RAPGEF1: variants seen among roughly 807,000 people sequenced by gnomAD.
The protein encoded by RAPGEF1 is CRK SH3-binding GNRP.
Under a neutral mutation model 143.3 loss-of-function variants are expected in RAPGEF1, and 33 were observed. That is an observed-to-expected ratio of 0.23 (90% confidence interval 0.17 to 0.31). The LOEUF is 0.31. Among genes scored for constraint, RAPGEF1 ranks in the 10% least tolerant of loss-of-function variants. The pLI is 1.00. For missense variants in RAPGEF1, 1,199 were observed against 1,645.4 expected, an observed-to-expected ratio of 0.73 and a Z score of 4.69; for synonymous variants, 629 against 676.5, an observed-to-expected ratio of 0.93 and a Z score of 1.09.
chr9:131,733,281 C>T (rs534049272), intron 1 of RAPGEF1, among the ~76,000 whole-genome samples: 5 of 148,688 alleles, frequency 3.4e-5, no homozygotes, highest in Admixed American at 2.1e-4. Context: ...CAAACCGCCA[C>T]GGCACATGTA....
At chr9:131,622,172 G>A (rs2132874889) in intron 10 of RAPGEF1, among the ~76,000 whole-genome samples, 174 bp from the exon 11 acceptor site, 1 of 152,270 alleles carries the variant, frequency 6.6e-6, no homozygotes, top group South Asian at 2.1e-4. Context: ...TCTGTCTGAT[G>A]CGCTAACGGA....
intron 5 of RAPGEF1, among the ~76,000 whole-genome samples, chr9:131,637,952 C>T (rs544126305): frequency 1.3e-5 from 2 of 152,336 alleles, no homozygotes; most frequent in East Asian, 1.9e-4. Flanking sequence ...CACACAACAG[C>T]GGGGTTTCCA....
At chr9:131,610,829 T>TG (rs373852278) in intron 12 of RAPGEF1, among the ~76,000 whole-genome samples, 64 of 152,310 alleles carry the variant, frequency 4.2e-4, no homozygotes, top group African/African-American at 1.4e-3. Context: ...CGTGATTGTC[T>TG]GGGGAGAAAA....
chr9:131,581,858 G>A (rs1447768247), intron 25 of RAPGEF1, among the ~76,000 whole-genome samples: 1 of 152,218 alleles, frequency 6.6e-6, no homozygotes. Flanking sequence ...GGGAAAGACT[G>A]TTAGTGCTCA....
intron 1 of RAPGEF1, among the ~76,000 whole-genome samples, chr9:131,660,297 T>C (rs776521618): frequency 5.9e-5 from 9 of 152,234 alleles, no homozygotes; most frequent in African/African-American, 1.7e-4. Context: ...TGGATAACTA[T>C]GACACTGCTA....
chr9:131,620,235 G>T (rs1960432066), intron 11 of RAPGEF1, among the ~76,000 whole-genome samples: 2 of 151,576 alleles, frequency 1.3e-5, no homozygotes, highest in South Asian at 4.2e-4. Flanking sequence ...GATGGCAAAT[G>T]GGCCGAAAAT....
At chr9:131,599,420 CTT>C (rs71374115) in intron 15 of RAPGEF1, among the ~76,000 whole-genome samples, 8,955 of 131,384 alleles carry the variant, frequency 0.068, 491 homozygotes, top group African/African-American at 0.16. Context: ...CGTGCCCAGT[CTT>C]TTTTTTTTTT....
chr9:131,658,950 C>T (rs117769459), intron 1 of RAPGEF1, among the ~76,000 whole-genome samples: 2,361 of 152,268 alleles, frequency 0.016, 26 homozygotes, highest in Non-Finnish European at 0.025. Flanking sequence ...AATCTCTCAC[C>T]AGGGATGGTG....
rs150279232 is a variant in RAPGEF1 at position 131,667,228 on chromosome 9, G to C, written c.62-16279C>G. Among the ~76,000 whole-genome samples, 27 of 152,312 alleles carry C rather than the reference G, an allele frequency of 1.8e-4. No individual in the cohort carries two copies. In the East Asian group the frequency reaches 5.0e-3, roughly 28 times the overall value. ...TGGTATCAAACTCCTGACCTCCAGT[G>C]ATCTGCCTGCCTCGGCCTCCCCAAA... On this transcript the variant is annotated intron_variant, in intron 1 of 26. Coordinates refer to ENST00000683357, the MANE Select transcript of RAPGEF1 (RefSeq NM_001377935.1). The surrounding 1 kb of genome is among the most constrained non-coding windows in gnomAD (Gnocchi z 4.6).
chr9:131,706,717 G>A (rs1033383264), intron 1 of RAPGEF1, among the ~76,000 whole-genome samples: 18 of 152,162 alleles, frequency 1.2e-4, no homozygotes, highest in Admixed American at 9.8e-4. Flanking sequence ...GACACCATGC[G>A]CTATGAAAAA....
chr9:131,637,816 A>G (rs531065112), intron 5 of RAPGEF1, among the ~76,000 whole-genome samples: 4 of 152,358 alleles, frequency 2.6e-5, no homozygotes, highest in African/African-American at 9.6e-5. Flanking sequence ...ATTTCATAAA[A>G]GAGTTACTTA....
intron 5 of RAPGEF1, among the ~76,000 whole-genome samples, chr9:131,632,533 G>A (rs1479247136): frequency 2.0e-5 from 3 of 152,066 alleles, no homozygotes; most frequent in South Asian, 2.1e-4. Context: ...ATAAGATTAC[G>A]TATCATTAAT....
Position 131,626,451 on chromosome 9 carries a change from C to T in RAPGEF1, c.1202-29G>A, listed in dbSNP as rs773844066. 2.1e-5 allele frequency: 32 copies of T among 1,531,364 alleles called. No individual in the cohort carries two copies. The South Asian group carries it at 2.8e-4, about 13-fold the overall frequency. 94.9% of individuals were successfully genotyped at this position (1,531,364 alleles called of 1,614,324 possible). On this transcript the variant is annotated intron_variant, in intron 9 of 26. Coordinates refer to ENST00000683357, the MANE Select transcript of RAPGEF1 (RefSeq NM_001377935.1). ...CAGTTACAACAGGGGAAAAAGAGAC[C>T]CGTTAGCCACAGGCCCTGCAGGAGC...
chr9:131,635,206 G>A (rs1966042468), intron 5 of RAPGEF1, among the ~76,000 whole-genome samples: 1 of 152,202 alleles, frequency 6.6e-6, no homozygotes, highest in South Asian at 2.1e-4. Flanking sequence ...GTTCTTACCA[G>A]GTACTTTATA....
chr9:131,588,137 G>A (rs1953504370), intron 20 of RAPGEF1, 111 bp from the exon 21 acceptor site: 5 of 925,748 alleles, frequency 5.4e-6, no homozygotes, highest in South Asian at 4.3e-5. Flanking sequence ...TGCCCAGCAG[G>A]AGCGTGGAGG....
intron 12 of RAPGEF1, among the ~76,000 whole-genome samples, chr9:131,617,792 C>A (rs1312420975): frequency 1.3e-5 from 2 of 152,144 alleles, no homozygotes; most frequent in Non-Finnish European, 2.9e-5. Flanking sequence ...GCATCTTTGG[C>A]GGGGGGCCAT....
chr9:131,651,121 C>T (rs1970980448), intron 1 of RAPGEF1, among the ~76,000 whole-genome samples, 172 bp from the exon 2 acceptor site: 1 of 152,194 alleles, frequency 6.6e-6, no homozygotes, highest in Admixed American at 6.5e-5. Context: ...TTACATGCTT[C>T]AATTTTTGCA....
intron 4 of RAPGEF1, among the ~76,000 whole-genome samples, chr9:131,640,810 G>C (rs1967724667): frequency 6.6e-6 from 1 of 152,162 alleles, no homozygotes; most frequent in Non-Finnish European, 1.5e-5. Context: ...ACTGCACTTA[G>C]GGAGGAAAGA....
At position 131,584,998 on chromosome 9, in the gene RAPGEF1, A is replaced by G. The variant is rs1952478996; in HGVS notation, c.3234-402T>C. Among the ~76,000 whole-genome samples the G allele has an allele frequency of 6.6e-6, 1 of 152,108 alleles. No homozygotes were observed. The highest frequency in any genetic ancestry group is 2.4e-5 in the African/African-American group (1 of 41,402). On this transcript the variant is annotated intron_variant, in intron 22 of 26. Coordinates refer to ENST00000683357, the MANE Select transcript of RAPGEF1 (RefSeq NM_001377935.1). The surrounding 1 kb of genome is among the most constrained non-coding windows in gnomAD (Gnocchi z 6.8). ...GAGACCCGCTAGCACGTGAGGTAAG[A>G]GGTCACCTTGGGCAGCCACGAGGGA...
Sources: allele counts gnomAD v4.1 joint callset (sites outside exome capture counted in the v4.1 genomes callset), GRCh38; gene constraint gnomAD v4.1.1; non-coding constraint Gnocchi (gnomAD v3.1); transcripts MANE v1.5; gene names NCBI Gene and HGNC (gene_info 2026-07-23, HGNC 2026-07-21).